Variants in MAST2 observed in about 807,000 individuals in gnomAD.
MAST2 encodes the protein microtubule associated serine/threonine kinase 2, also known as microtubule-associated serine/threonine-protein kinase 2.
In MAST2, 70 loss-of-function variants were observed where a neutral mutation model predicts 147.4. The observed-to-expected ratio is 0.47, with a 90% CI of 0.39 to 0.58. The LOEUF (loss-of-function observed/expected upper bound fraction) is 0.58, where lower values mean the gene tolerates loss of function less well. Among genes scored for constraint, MAST2 ranks in the 20% least tolerant of loss-of-function variants. The probability of loss-of-function intolerance (pLI) is 0.00; values close to 1 mark genes in which losing one functional copy is unlikely to be tolerated. For synonymous variants in MAST2, 869 were observed against 896.8 expected (o/e 0.97, Z 0.55); for missense variants, 2,080 against 2,302.3 (o/e 0.90, Z 1.98).
intron 3 of MAST2, among the ~76,000 whole-genome samples, chr1:45,853,828 G>C (rs1645701925): frequency 6.6e-6 from 1 of 151,752 alleles, no homozygotes; most frequent in Non-Finnish European, 1.5e-5. Flanking sequence ...CCTAGGTTCT[G>C]AAGATTTTCT....
chr1:45,968,484 T>G (rs986001450), intron 5 of MAST2, among the ~76,000 whole-genome samples: 24 of 38,584 alleles, frequency 6.2e-4, no homozygotes, highest in East Asian at 4.1e-3. Context: ...TTTTTGTTGT[T>G]TTTTTTTTTT....
chr1:45,893,292 C>T (rs1241381757), intron 4 of MAST2, among the ~76,000 whole-genome samples: 1 of 152,130 alleles, frequency 6.6e-6, no homozygotes, highest in Non-Finnish European at 1.5e-5. Flanking sequence ...CCTCAACCTC[C>T]TGGGCTCAAG....
chr1:46,023,421 G>C lies in MAST2; in HGVS notation c.1571+103G>C, dbSNP rs570937210. ...GCCCAGTCCTCTGGGCAGATGCCTC[G>C]GGGTGGACCTTCTCACTCCCAGAAG... On this transcript the variant is annotated intron_variant, in intron 14 of 28. Coordinates refer to ENST00000361297, the MANE Select transcript of MAST2 (RefSeq NM_015112.3). This position sits in a 1 kb window ranked among gnomAD's most constrained non-coding sequence, Gnocchi z 4.9. 9.3e-7 allele frequency: 1 copy of C among 1,074,054 alleles called. No homozygotes were observed. The highest frequency in any genetic ancestry group is 1.9e-5 in the Admixed American group (1 of 52,274). 66.5% of individuals were successfully genotyped at this position (1,074,054 alleles called of 1,614,324 possible).
Position 46,031,617 on chromosome 1 carries a change from A to C in MAST2, c.3187+32A>C. The C allele has an allele frequency of 1.9e-5, 31 of 1,590,926 alleles. No individual in the cohort carries two copies. Among genetic ancestry groups the C allele is most frequent in the Non-Finnish European group, 2.4e-5 (28 of 1,163,678 alleles). On this transcript the variant is annotated intron_variant, in intron 24 of 28. Coordinates refer to ENST00000361297, the MANE Select transcript of MAST2 (RefSeq NM_015112.3). The surrounding 1 kb of genome is among the most constrained non-coding windows in gnomAD (Gnocchi z 4.1). The stretch of plus-strand genomic sequence containing the variant: ...CCCCTGGGGAGCTGGGATAAAACTC[A>C]CAGGAAGGGCCTTGTAATCTCTAGG...
intron 4 of MAST2, among the ~76,000 whole-genome samples, chr1:45,918,173 A>G (rs1652867566): frequency 6.6e-6 from 1 of 152,222 alleles, no homozygotes; most frequent in Non-Finnish European, 1.5e-5. Flanking sequence ...TGTAGAGGCC[A>G]GGGCTTGACA....
chr1:45,918,620 T>G (rs2148626526), intron 4 of MAST2, among the ~76,000 whole-genome samples: 2 of 152,172 alleles, frequency 1.3e-5, no homozygotes, highest in East Asian at 3.9e-4. Flanking sequence ...GTATTTTTGG[T>G]AGAGACAGGG....
chr1:46,034,716 C>G lies in MAST2; in HGVS notation c.4047C>G (p.Thr1349=). 6.2e-7 allele frequency: 1 copy of G among 1,614,170 alleles called. No individual in the cohort carries two copies. The change falls in exon 29 of 29, where the codon ACC becomes ACG. Residue 1349 remains threonine, a synonymous_variant. Coordinates refer to ENST00000361297, the MANE Select transcript of MAST2 (RefSeq NM_015112.3). ...GSIPLSPLAH[T]PSPPPPTASP... is the part of the protein sequence containing the mutation. Reference sequence around the variant, plus strand: ...TCCCACTGTCACCACTGGCCCACACCCCTTCTCCCCCACCCCCAACAGCTT... The same window carrying G: ...TCCCACTGTCACCACTGGCCCACACGCCTTCTCCCCCACCCCCAACAGCTT...
intron 5 of MAST2, among the ~76,000 whole-genome samples, chr1:45,966,313 G>C (rs559812294): frequency 6.6e-6 from 1 of 152,054 alleles, no homozygotes; most frequent in South Asian, 2.1e-4. Flanking sequence ...TGAAAAAGCC[G>C]CTATAAACAT....
intron 4 of MAST2, chr1:45,917,672 A>C: frequency 3.4e-6 from 2 of 580,852 alleles, no homozygotes; most frequent in Non-Finnish European, 5.4e-6. Context: ...AATAAATATC[A>C]CAGATTTCTG....
chr1:46,020,998 C>T (rs750981623), intron 11 of MAST2, among the ~76,000 whole-genome samples: 1 of 152,056 alleles, frequency 6.6e-6, no homozygotes, highest in South Asian at 2.1e-4. Flanking sequence ...GGGAGAGGTA[C>T]TCAAAGCAAA....
At chr1:46,029,088 C>A in intron 18 of MAST2, 155 bp downstream of exon 18, 1 of 820,694 alleles carries the variant, frequency 1.2e-6, no homozygotes, top group Non-Finnish European at 1.9e-6. Flanking sequence ...CTCTGTGTTT[C>A]TGCATGTACA....
Position 46,023,467 on chromosome 1 carries a change from T to C in MAST2, c.1571+149T>C. On this transcript the variant is annotated intron_variant, in intron 14 of 28. Coordinates refer to ENST00000361297, the MANE Select transcript of MAST2 (RefSeq NM_015112.3). The surrounding 1 kb of genome is among the most constrained non-coding windows in gnomAD (Gnocchi z 4.9). Reference sequence around the variant, plus strand: ...AGAAGCCTCCTGGGTGGGCAGGAGTTCAGATTCCTCTGACATCCGATCATT... The same window carrying C: ...AGAAGCCTCCTGGGTGGGCAGGAGTCCAGATTCCTCTGACATCCGATCATT... 1 of 704,308 alleles carries C rather than the reference T, an allele frequency of 1.4e-6. No individual in the cohort carries two copies. The highest frequency in any genetic ancestry group is 2.5e-6 in the Non-Finnish European group (1 of 404,142). The allele number at this position is 704,308 out of a possible 1,614,324, so 43.6% of individuals were successfully genotyped here.
At chr1:45,987,581 G>A (rs1298704064) in intron 5 of MAST2, among the ~76,000 whole-genome samples, 2 of 152,032 alleles carry the variant, frequency 1.3e-5, no homozygotes, top group South Asian at 4.2e-4. Flanking sequence ...CAAAGTGCTG[G>A]AATTACAAAC....
intron 4 of MAST2, chr1:45,913,460 A>C: frequency 2.3e-5 from 7 of 306,862 alleles, no homozygotes; most frequent in Non-Finnish European, 3.3e-5. Context: ...TCAGGGTTGG[A>C]GGTTGCAACT....
intron 4 of MAST2, among the ~76,000 whole-genome samples, chr1:45,926,266 A>G (rs1013624543): frequency 6.6e-5 from 10 of 152,280 alleles, no homozygotes; most frequent in Middle Eastern, 3.4e-3. Flanking sequence ...TACATCTACA[A>G]TTGTTTAGAT....
At chr1:45,914,381 A>C (rs1160242270) in intron 4 of MAST2, among the ~76,000 whole-genome samples, 1 of 152,164 alleles carries the variant, frequency 6.6e-6, no homozygotes, top group Non-Finnish European at 1.5e-5. Context: ...ATATAGAAAT[A>C]AACTTTATTA....
chr1:45,948,314 A>G lies in MAST2; in HGVS notation c.501-11072A>G, dbSNP rs186184900. On this transcript the variant is annotated intron_variant, in intron 4 of 28. Transcript: ENST00000361297. ...ATGGATAGGAAGAATCAATATCATT[A>G]AAATGATCATATTGCCTGAAGCAAT... 6.8e-4 allele frequency among the ~76,000 whole-genome samples: 104 copies of G among 152,354 alleles called. 1 individual carries two copies. The East Asian group carries it at 0.019, about 29-fold the overall frequency.
chr1:45,899,491 A>G (rs914371877), intron 4 of MAST2, among the ~76,000 whole-genome samples: 6 of 151,718 alleles, frequency 4.0e-5, no homozygotes, highest in Non-Finnish European at 8.8e-5. Context: ...CCCAGTGTCT[A>G]TTGTTTCCAT....
intron 1 of MAST2, among the ~76,000 whole-genome samples, chr1:45,813,741 C>T (rs189985242): frequency 8.5e-5 from 13 of 152,150 alleles, no homozygotes; most frequent in Non-Finnish European, 1.8e-4. Flanking sequence ...TCAGGTGAGC[C>T]GCCCACCTCG....
Sources: allele counts gnomAD v4.1 joint callset (sites outside exome capture counted in the v4.1 genomes callset), GRCh38; gene constraint gnomAD v4.1.1; non-coding constraint Gnocchi (gnomAD v3.1); transcripts MANE v1.5; gene names NCBI Gene and HGNC (gene_info 2026-07-23, HGNC 2026-07-21).